Variants in CUBN observed in about 807,000 individuals in gnomAD.
CUBN encodes cubilin.
In CUBN, 282 loss-of-function variants were observed where a neutral mutation model predicts 405.3. That is an observed-to-expected ratio of 0.70 (90% CI 0.63 to 0.77). The LOEUF (loss-of-function observed/expected upper bound fraction) is 0.77, where lower values mean the gene tolerates loss of function less well. CUBN is among the 30% of genes least tolerant of loss of function. The pLI, the probability that CUBN is intolerant of heterozygous loss-of-function variation, is 0.00. For synonymous variants in CUBN, 1,684 were observed against 1,617.0 expected, an observed-to-expected ratio of 1.04 and a Z score of -0.99; for missense variants, 4,514 against 4,475.2, an observed-to-expected ratio of 1.01 and a Z score of -0.25.
chr10:16,830,455 G>A (rs1838951840), intron 65 of CUBN, among the ~76,000 whole-genome samples: 1 of 152,126 alleles, frequency 6.6e-6, no homozygotes, highest in Non-Finnish European at 1.5e-5. Context: ...GTATTGACAT[G>A]ACTTAAATTT....
At chr10:17,008,602 C>T (rs1177947046) in intron 28 of CUBN, among the ~76,000 whole-genome samples, 1 of 151,926 alleles carries the variant, frequency 6.6e-6, no homozygotes, top group African/African-American at 2.4e-5. Flanking sequence ...CTTTCTTCTA[C>T]CTGGAATCCT....
At chr10:16,952,212 G>T in intron 33 of CUBN, 64 bp downstream of exon 33, 1 of 1,185,914 alleles carries the variant, frequency 8.4e-7, no homozygotes, top group South Asian at 1.2e-5. Flanking sequence ...GTTACTCATA[G>T]ACTGACCTTC....
At position 16,984,145 on chromosome 10, in the gene CUBN, A is replaced by G; in HGVS notation, c.4485T>C (p.Asn1495=). The change falls in exon 30 of 67, where the codon AAT becomes AAC. Residue 1495 remains asparagine, a synonymous_variant. Transcript: ENST00000377833. ...AIRFKTDLSI[N]GRGFNASWQA... is the part of the protein sequence containing the mutation. ...GCCATGACGCATTGAAGCCTCTCCC[A>G]TTTATGGACAAGTCGGTCTTGAATC... 6.2e-7 allele frequency: 1 copy of G among 1,614,090 alleles called. No homozygotes were observed. The highest frequency in any genetic ancestry group is 8.5e-7 in the Non-Finnish European group (1 of 1,180,016).
chr10:17,080,526 C>T (rs1251850118), intron 17 of CUBN, among the ~76,000 whole-genome samples: 1 of 152,196 alleles, frequency 6.6e-6, no homozygotes, highest in African/African-American at 2.4e-5. Context: ...GAAGGCACAT[C>T]GCTCTCCCTG....
chr10:17,128,981 T>G (rs958005174), intron 2 of CUBN, 140 bp downstream of exon 2: 12 of 656,140 alleles, frequency 1.8e-5, no homozygotes, highest in East Asian at 2.9e-5. Context: ...ACTTTACACA[T>G]TATAGGAATG....
chr10:16,884,951 A>C (rs1840769937), intron 56 of CUBN, among the ~76,000 whole-genome samples: 1 of 152,192 alleles, frequency 6.6e-6, no homozygotes, highest in African/African-American at 2.4e-5. Context: ...AGTCTCTCAG[A>C]AACAGTTCCA....
intron 31 of CUBN, among the ~76,000 whole-genome samples, chr10:16,975,511 G>C (rs9423960): frequency 0.33 from 49,639 of 151,962 alleles, 8,940 homozygotes; most frequent in Middle Eastern, 0.44. Context: ...CTGTATCAAA[G>C]AAAAGAACAC....
At chr10:17,036,713 A>T (rs777984443) in intron 27 of CUBN, among the ~76,000 whole-genome samples, 2 of 152,222 alleles carry the variant, frequency 1.3e-5, no homozygotes, top group African/African-American at 4.8e-5. Flanking sequence ...TAAATTAGAC[A>T]CTAAAAATAA....
intron 19 of CUBN, among the ~76,000 whole-genome samples, chr10:17,070,877 A>G (rs1157339739): frequency 6.6e-6 from 1 of 152,184 alleles, no homozygotes; most frequent in Non-Finnish European, 1.5e-5. Context: ...TAATTGCTCT[A>G]GCTAGAATTT....
chr10:16,960,294 C>A (rs893284641), intron 31 of CUBN, among the ~76,000 whole-genome samples: 4 of 152,170 alleles, frequency 2.6e-5, no homozygotes, highest in Non-Finnish European at 4.4e-5. Flanking sequence ...GAGTTTGAGA[C>A]CAGTCTGGCC....
At chr10:17,015,864 C>A (rs1834314103) in intron 28 of CUBN, among the ~76,000 whole-genome samples, 1 of 152,150 alleles carries the variant, frequency 6.6e-6, no homozygotes, top group African/African-American at 2.4e-5. Context: ...GATTGGCCTG[C>A]TCCATTTTTT....
chr10:16,886,507 T>C (rs1037291479), intron 56 of CUBN, among the ~76,000 whole-genome samples: 1 of 152,210 alleles, frequency 6.6e-6, no homozygotes, highest in African/African-American at 2.4e-5. Flanking sequence ...TATGAGTGGT[T>C]GAAAATACCC....
intron 35 of CUBN, among the ~76,000 whole-genome samples, chr10:16,947,950 C>G (rs957982037): frequency 1.3e-5 from 2 of 152,212 alleles, no homozygotes; most frequent in African/African-American, 2.4e-5. Flanking sequence ...GTGGCTCACA[C>G]CTGTAATCCC....
chr10:16,956,860 C>T (rs3900015), intron 31 of CUBN, among the ~76,000 whole-genome samples: 104,180 of 151,846 alleles, frequency 0.69, 36,338 homozygotes, highest in African/African-American at 0.82. Flanking sequence ...TGAATATATA[C>T]AGTTTATATT....
rs192997971 is a variant in CUBN at position 17,110,918 on chromosome 10, C to T, written c.1015+1G>A. 20 of 1,614,182 alleles carry T rather than the reference C, an allele frequency of 1.2e-5. No individual in the cohort carries two copies. The highest frequency in any genetic ancestry group is 7.6e-6 in the Non-Finnish European group (9 of 1,180,034). ...AGGTTGACATTGAACCGAGGCAGCA[C>T]CTGGTGGACAGGCCTGGCAGTGGGA... On this transcript the variant is annotated splice_donor_variant, in intron 9 of 66. Coordinates refer to ENST00000377833, the MANE Select transcript of CUBN (RefSeq NM_001081.4). LOFTEE classifies it high-confidence loss of function.
chr10:16,921,406 C>T (rs1353499639), intron 43 of CUBN, among the ~76,000 whole-genome samples: 1 of 152,068 alleles, frequency 6.6e-6, no homozygotes, highest in Non-Finnish European at 1.5e-5. Context: ...AGGATCTTGC[C>T]CTATTTAATC....
chr10:16,834,037 G>T (rs548269533), intron 64 of CUBN, among the ~76,000 whole-genome samples: 1 of 152,282 alleles, frequency 6.6e-6, no homozygotes, highest in Admixed American at 6.5e-5. Context: ...GAGGAACTCA[G>T]CATCTTTATG....
At chr10:16,995,766 A>C (rs1031779483) in intron 28 of CUBN, among the ~76,000 whole-genome samples, 1 of 152,232 alleles carries the variant, frequency 6.6e-6, no homozygotes, top group African/African-American at 2.4e-5. Flanking sequence ...AAGGTGCACA[A>C]AAATTTTTTA....
chr10:16,955,182 C>A, intron 31 of CUBN, among the ~76,000 whole-genome samples: 1 of 141,030 alleles, frequency 7.1e-6, no homozygotes, highest in South Asian at 2.2e-4. Context: ...ACCAGCCTGG[C>A]CAACATGGCG....
Sources: gnomAD v4.1 joint callset for allele counts (sites outside exome capture counted in the v4.1 genomes callset) on GRCh38, gnomAD v4.1.1 for gene constraint, MANE v1.5 for transcripts, NCBI Gene and HGNC (gene_info 2026-07-23, HGNC 2026-07-21) for gene names.